Variants in ATP8A2 observed in about 807,000 individuals in gnomAD.
The protein encoded by ATP8A2 is ATPase phospholipid transporting 8A2.
A neutral mutation model predicts 165.6 loss-of-function variants in ATP8A2; 100 were observed. The observed-to-expected ratio is 0.60, with a 90% CI of 0.51 to 0.71. ATP8A2 has a LOEUF of 0.71. Ranked by LOEUF, ATP8A2 falls within the 30% of genes least tolerant of loss-of-function variation. ATP8A2 has a pLI of 0.00. For synonymous variants in ATP8A2, 543 were observed against 548.8 expected, an observed-to-expected ratio of 0.99 and a Z score of 0.15; for missense variants, 1,227 against 1,479.5, an observed-to-expected ratio of 0.83 and a Z score of 2.80.
chr13:25,647,388 AT>A (rs1051031438), intron 24 of ATP8A2, among the ~76,000 whole-genome samples: 1 of 152,150 alleles, frequency 6.6e-6, no homozygotes, highest in East Asian at 1.9e-4. Context: ...TGGTTGGCAG[AT>A]TTTTTCCCCC....
At chr13:25,637,066 C>T (rs2041385551) in intron 24 of ATP8A2, among the ~76,000 whole-genome samples, 2 of 121,224 alleles carry the variant, frequency 1.6e-5, no homozygotes, top group Non-Finnish European at 3.2e-5. Flanking sequence ...GCACTCTGGC[C>T]TGGGTGACAG....
intron 1 of ATP8A2, among the ~76,000 whole-genome samples, chr13:25,457,095 C>CA (rs765051243): frequency 8.5e-5 from 13 of 152,168 alleles, no homozygotes; most frequent in Non-Finnish European, 1.8e-4. Flanking sequence ...ACGAGTTGGA[C>CA]AAGCTTGCTC....
intron 25 of ATP8A2, among the ~76,000 whole-genome samples, chr13:25,737,455 C>G (rs1329422545): frequency 6.6e-6 from 1 of 152,128 alleles, no homozygotes; most frequent in East Asian, 1.9e-4. Context: ...AAAAGCCACC[C>G]TTATAGAAGA....
intron 1 of ATP8A2, among the ~76,000 whole-genome samples, chr13:25,422,181 G>A (rs2034320153): frequency 6.6e-6 from 1 of 152,094 alleles, no homozygotes; most frequent in Non-Finnish European, 1.5e-5. Context: ...CTTATGACTC[G>A]AGAGTAATAA....
At chr13:25,559,581 C>G (rs2039081281) in intron 14 of ATP8A2, 140 bp from the exon 15 acceptor site, 2 of 687,616 alleles carry the variant, frequency 2.9e-6, no homozygotes, top group Non-Finnish European at 5.1e-6. Flanking sequence ...TGGTTTATTT[C>G]TGCAAATATT....
rs1049188979 is a variant in ATP8A2 at position 26,022,961 on chromosome 13, C to G, written c.*2976C>G. 4 of 152,308 alleles carry G rather than the reference C, an allele frequency of 2.6e-5. No homozygotes were observed. Among genetic ancestry groups the G allele is most frequent in the African/African-American group, 9.6e-5 (4 of 41,466 alleles). The allele number at this position is 152,308 out of a possible 1,614,324, so 9.4% of individuals were successfully genotyped here. On this transcript the variant is annotated 3_prime_UTR_variant, in exon 37 of 37. Transcript: ENST00000381655. Reference sequence around the variant, plus strand: ...GACAGCCCAGTCCTGTGTTGAGTCTCTCTTCTCCTGGATGACCCTGCAAAA... The same window carrying G: ...GACAGCCCAGTCCTGTGTTGAGTCTGTCTTCTCCTGGATGACCCTGCAAAA...
intron 1 of ATP8A2, among the ~76,000 whole-genome samples, chr13:25,465,727 C>CTTTCTTTCTT (rs1566153465): frequency 1.7e-5 from 1 of 59,300 alleles, no homozygotes; most frequent in African/African-American, 7.5e-5. Context: ...TTCTTTCTTT[C>CTTTCTTTCTT]TTTCTTTCTT....
chr13:25,496,267 A>T (rs764984521), intron 2 of ATP8A2, among the ~76,000 whole-genome samples: 1 of 152,252 alleles, frequency 6.6e-6, no homozygotes, highest in African/African-American at 2.4e-5. Flanking sequence ...ATCTTGGCAC[A>T]TGGAAGCAGC....
chr13:25,769,153 C>T lies in ATP8A2; in HGVS notation c.2492C>T (p.Thr831Ile), dbSNP rs2138289720. 1 of 1,614,182 alleles carries T rather than the reference C, an allele frequency of 6.2e-7. No individual in the cohort carries two copies. The highest frequency in any genetic ancestry group is 2.2e-5 in the East Asian group (1 of 44,878). Residue 831 changes from threonine to isoleucine, a missense_variant, in exon 26 of 37, where the codon ACA (threonine) becomes ATA (isoleucine). Physicochemically the swap from Thr to Ile is moderately conservative, Grantham distance 89 (BLOSUM62 -1). Transcript: ENST00000381655. ...GCCAACGATGTCGGGATGATCCAGA[C>T]AGCCCACGTGGGTGTGGGAATCAGT... is the stretch of plus-strand genomic sequence containing the variant. Reference protein sequence around the residue: ...DGANDVGMIQTAHVGVGISGN... With the variant: ...DGANDVGMIQIAHVGVGISGN...
chr13:25,651,907 T>G (rs577655718), intron 24 of ATP8A2, among the ~76,000 whole-genome samples: 10 of 152,308 alleles, frequency 6.6e-5, no homozygotes, highest in African/African-American at 2.2e-4. Context: ...TGTTTATTAC[T>G]TTTGTACTTA....
At chr13:25,803,836 G>A (rs1482580613) in intron 27 of ATP8A2, among the ~76,000 whole-genome samples, 2 of 152,228 alleles carry the variant, frequency 1.3e-5, no homozygotes, top group African/African-American at 2.4e-5. Context: ...CGGAATCACA[G>A]TACTGAAGAG....
At chr13:25,710,734 T>C (rs1199665719) in intron 25 of ATP8A2, among the ~76,000 whole-genome samples, 1 of 151,984 alleles carries the variant, frequency 6.6e-6, no homozygotes, top group East Asian at 1.9e-4. Context: ...TTATGACAAA[T>C]GGTAACACAG....
chr13:25,493,055 T>G lies in ATP8A2; in HGVS notation c.221+23934T>G, dbSNP rs191456001. Among the ~76,000 whole-genome samples the G allele has an allele frequency of 5.0e-3, 759 of 152,376 alleles. 5 individuals carry two copies. Among genetic ancestry groups the G allele is most frequent in the African/African-American group, 0.018 (736 of 41,584 alleles). On this transcript the variant is annotated intron_variant, in intron 2 of 36. Coordinates refer to ENST00000381655, the MANE Select transcript of ATP8A2 (RefSeq NM_016529.6). Reference sequence around the variant, plus strand: ...ATTTTTTGAATCTGTATTTTTAGCCTGTCCAATTAGTCAGTTTGATAATAG... The same window carrying G: ...ATTTTTTGAATCTGTATTTTTAGCCGGTCCAATTAGTCAGTTTGATAATAG...
intron 24 of ATP8A2, among the ~76,000 whole-genome samples, chr13:25,647,637 T>TC (rs1249101419): frequency 6.6e-6 from 1 of 152,076 alleles, no homozygotes; most frequent in East Asian, 1.9e-4. Context: ...ATTGGCACTT[T>TC]CCCCCCAGTA....
chr13:25,820,832 A>G (rs1951161741), intron 27 of ATP8A2, among the ~76,000 whole-genome samples: 1 of 152,168 alleles, frequency 6.6e-6, no homozygotes, highest in South Asian at 2.1e-4. Flanking sequence ...ACCTATGGAA[A>G]CCTTGCCAAA....
chr13:25,551,552 G>T (rs1475510510), intron 11 of ATP8A2, 49 bp downstream of exon 11: 1 of 1,550,698 alleles, frequency 6.4e-7, no homozygotes, highest in South Asian at 1.2e-5. Context: ...AACCATTTTT[G>T]AGATGTTCTT....
intron 35 of ATP8A2, among the ~76,000 whole-genome samples, chr13:26,000,615 A>G (rs1418909489): frequency 6.6e-6 from 1 of 150,574 alleles, no homozygotes; most frequent in African/African-American, 2.4e-5. Context: ...AAGACTGCAC[A>G]TATCTCTGGG....
At chr13:25,468,802 G>A in intron 1 of ATP8A2, 175 bp from the exon 2 acceptor site, 11 of 982,454 alleles carry the variant, frequency 1.1e-5, no homozygotes, top group Non-Finnish European at 1.3e-5. Flanking sequence ...GGCCTTGGCT[G>A]CCGCGGCACA....
At chr13:25,829,699 T>TATATAC (rs1327404005) in intron 28 of ATP8A2, among the ~76,000 whole-genome samples, 27 of 63,690 alleles carry the variant, frequency 4.2e-4, no homozygotes, top group African/African-American at 1.4e-3. Context: ...TATATATATA[T>TATATAC]ATATATATAT....
Sources: gnomAD v4.1 joint callset for allele counts (sites outside exome capture counted in the v4.1 genomes callset) on GRCh38, gnomAD v4.1.1 for gene constraint, MANE v1.5 for transcripts, NCBI Gene and HGNC (gene_info 2026-07-23, HGNC 2026-07-21) for gene names.